Variants in PLCB1 observed in about 807,000 individuals in gnomAD.
PLCB1 encodes the protein phospholipase C beta 1, also known as 1-phosphatidylinositol 4,5-bisphosphate phosphodiesterase beta-1.
PLCB1 carries 46 observed loss-of-function variants against 161.8 expected under a neutral mutation model. The ratio of observed to expected loss-of-function variants is 0.28; its 90% CI spans 0.22 to 0.36. The LOEUF is 0.36. Ranked by LOEUF, PLCB1 falls within the 10% of genes least tolerant of loss-of-function variation. The pLI, the probability that PLCB1 is intolerant of heterozygous loss-of-function variation, is 1.00. For synonymous variants in PLCB1, 517 were observed against 503.7 expected (o/e 1.03, Z -0.35); for missense variants, 1,016 against 1,472.5 (o/e 0.69, Z 5.07).
At chr20:8,343,356 C>A (rs1228604032) in intron 2 of PLCB1, among the ~76,000 whole-genome samples, 2 of 152,168 alleles carry the variant, frequency 1.3e-5, no homozygotes, top group Non-Finnish European at 2.9e-5. Flanking sequence ...TCTCTAGGCC[C>A]TATGGCAAGA....
chr20:8,408,507 G>GT lies in PLCB1; in HGVS notation c.246+37065dup, dbSNP rs927238226. Among the ~76,000 whole-genome samples the GT allele has an allele frequency of 2.6e-3, 387 of 151,002 alleles. 1 individual carries two copies. Among genetic ancestry groups the GT allele is most frequent in the African/African-American group, 8.4e-3 (346 of 41,114 alleles). ...ACTGTAAAACTGTTCTGAATTGGAA[G>GT]TTTTTTTTAAAAAAAAAAATCAGAT... is the stretch of plus-strand genomic sequence containing the variant. On this transcript the variant is annotated intron_variant, in intron 3 of 31. Transcript: ENST00000338037.
At chr20:8,682,180 A>G (rs6077406) in intron 9 of PLCB1, among the ~76,000 whole-genome samples, 80,878 of 152,040 alleles carry the variant, frequency 0.53, 21,959 homozygotes, top group African/African-American at 0.63. Flanking sequence ...TAGAGAGAAA[A>G]GGAGAAATAG....
chr20:8,231,036 T>TGGAAAG (rs1980003597), intron 2 of PLCB1, among the ~76,000 whole-genome samples: 1 of 152,094 alleles, frequency 6.6e-6, no homozygotes. Flanking sequence ...CACCTCTCCA[T>TGGAAAG]AATCTTCAAC....
Position 8,861,661 on chromosome 20 carries a change from C to T in PLCB1, c.3424-19961C>T, listed in dbSNP as rs532608932. ...AGGAGAATCGCTTGAACCCGGGAGGCGGAGCTTGCAGTGAGGTGAGATCGT... is the reference window on the plus strand; with the variant it reads ...AGGAGAATCGCTTGAACCCGGGAGGTGGAGCTTGCAGTGAGGTGAGATCGT... On this transcript the variant is annotated intron_variant, in intron 31 of 31. Coordinates refer to ENST00000338037, the MANE Select transcript of PLCB1 (RefSeq NM_015192.4). Among the ~76,000 whole-genome samples, 8 of 141,476 alleles carry T rather than the reference C, an allele frequency of 5.7e-5. No homozygotes were observed. The South Asian group carries it at 1.4e-3, about 24-fold the overall frequency. The allele number at this position is 141,476 out of a possible 152,430, so 92.8% of individuals were successfully genotyped here. A position where few individuals can be genotyped will look rare whatever the true frequency, so the allele number is the denominator to read the frequency against.
At chr20:8,755,665 T>C (rs561141777) in intron 23 of PLCB1, among the ~76,000 whole-genome samples, 1 of 152,332 alleles carries the variant, frequency 6.6e-6, no homozygotes, top group East Asian at 1.9e-4. Context: ...TTATTATTAT[T>C]CATTGGTAGT....
chr20:8,796,201 A>G (rs991975750), intron 31 of PLCB1, among the ~76,000 whole-genome samples: 1 of 152,146 alleles, frequency 6.6e-6, no homozygotes, highest in South Asian at 2.1e-4. Flanking sequence ...ACATTTCATC[A>G]TGTAGCTACT....
At chr20:8,397,651 G>A (rs528423880) in intron 3 of PLCB1, among the ~76,000 whole-genome samples, 2 of 152,166 alleles carry the variant, frequency 1.3e-5, no homozygotes, top group Admixed American at 6.5e-5. Flanking sequence ...CCAGTGAATT[G>A]AGACACCAGT....
At chr20:8,185,705 TTTTA>T (rs1283930176) in intron 2 of PLCB1, among the ~76,000 whole-genome samples, 1 of 152,034 alleles carries the variant, frequency 6.6e-6, no homozygotes, top group Non-Finnish European at 1.5e-5. Context: ...TTTAATTTGT[TTTTA>T]TTTATTTATC....
At chr20:8,673,257 C>T (rs889218621) in intron 9 of PLCB1, among the ~76,000 whole-genome samples, 3 of 146,542 alleles carry the variant, frequency 2.0e-5, no homozygotes, top group Non-Finnish European at 3.0e-5. Context: ...TGAGCAAATT[C>T]GGAAGCTAAG....
chr20:8,147,664 A>G (rs766905712), intron 1 of PLCB1, among the ~76,000 whole-genome samples: 2 of 152,154 alleles, frequency 1.3e-5, no homozygotes, highest in South Asian at 4.1e-4. Flanking sequence ...TGATCTTGGA[A>G]TGTTAGAGGT....
At chr20:8,649,304 G>C in intron 6 of PLCB1, 70 bp from the exon 7 acceptor site, 8 of 883,262 alleles carry the variant, frequency 9.1e-6, no homozygotes, top group Non-Finnish European at 1.5e-5. Context: ...ATTTTGAGTT[G>C]GCATCATCTG....
chr20:8,352,836 A>C (rs1361417104), intron 2 of PLCB1, among the ~76,000 whole-genome samples: 2 of 152,154 alleles, frequency 1.3e-5, no homozygotes, highest in Non-Finnish European at 2.9e-5. Flanking sequence ...AGAGCAAAGG[A>C]AAGGTGCTAG....
At chr20:8,139,870 C>T (rs1342614425) in intron 1 of PLCB1, among the ~76,000 whole-genome samples, 2 of 152,192 alleles carry the variant, frequency 1.3e-5, no homozygotes, top group Non-Finnish European at 2.9e-5. Flanking sequence ...ATTTACCAGA[C>T]TCCTTTTTGA....
chr20:8,247,409 G>A (rs1980930787), intron 2 of PLCB1, among the ~76,000 whole-genome samples: 1 of 151,864 alleles, frequency 6.6e-6, no homozygotes, highest in Admixed American at 6.6e-5. Flanking sequence ...AGAAATGAGG[G>A]TATCTTTAGA....
chr20:8,267,838 G>A (rs1392836609), intron 2 of PLCB1, among the ~76,000 whole-genome samples: 1 of 151,926 alleles, frequency 6.6e-6, no homozygotes, highest in African/African-American at 2.4e-5. Flanking sequence ...AGTTTGATTG[G>A]CTCTAGGAGA....
intron 3 of PLCB1, among the ~76,000 whole-genome samples, chr20:8,565,749 C>T (rs1016078421): frequency 2.0e-5 from 3 of 151,702 alleles, no homozygotes; most frequent in Non-Finnish European, 4.4e-5. Flanking sequence ...GATTTTTTTT[C>T]TCAAGAGGAT....
chr20:8,651,127 G>T (rs998424220), intron 7 of PLCB1, among the ~76,000 whole-genome samples: 1 of 152,020 alleles, frequency 6.6e-6, no homozygotes, highest in Non-Finnish European at 1.5e-5. Context: ...ATTTTTATCT[G>T]AGTATCTAAG....
chr20:8,282,413 G>GATTTTAAGTCATCTGAC (rs1445875685), intron 2 of PLCB1, among the ~76,000 whole-genome samples: 4 of 152,142 alleles, frequency 2.6e-5, no homozygotes, highest in Non-Finnish European at 2.9e-5. Flanking sequence ...TTGGTTCTCA[G>GATTTTAAGTCATCTGAC]ATTTTAAGTC....
chr20:8,283,264 A>G (rs1353234225), intron 2 of PLCB1, among the ~76,000 whole-genome samples: 1 of 152,196 alleles, frequency 6.6e-6, no homozygotes, highest in East Asian at 1.9e-4. Context: ...GTTCTACAGA[A>G]AGAAAAGAAG....
Sources: allele counts gnomAD v4.1 joint callset (sites outside exome capture counted in the v4.1 genomes callset), GRCh38; gene constraint gnomAD v4.1.1; transcripts MANE v1.5; gene names NCBI Gene and HGNC (gene_info 2026-07-23, HGNC 2026-07-21).